The following MSR1 variants were observed in gnomAD, a reference collection of about 807,000 sequenced individuals.
The protein encoded by MSR1 is macrophage scavenger receptor types I and II.
A neutral mutation model predicts 47.2 loss-of-function variants in MSR1; 53 were observed. The observed-to-expected ratio is 1.12, with a 90% confidence interval of 0.90 to 1.41. The LOEUF (loss-of-function observed/expected upper bound fraction) is 1.41, where lower values mean the gene tolerates loss of function less well. Ranked by LOEUF, MSR1 falls within the 40% of genes most tolerant of loss-of-function variation. The probability of loss-of-function intolerance (pLI) is 0.00; values close to 1 mark genes in which losing one functional copy is unlikely to be tolerated. For synonymous variants in MSR1, 239 were observed against 185.6 expected (o/e 1.29, Z -2.34); for missense variants, 786 against 546.9 (o/e 1.44, Z -4.36).
At chr8:16,147,463 G>A (rs1800732356) in intron 7 of MSR1, among the ~76,000 whole-genome samples, 1 of 152,118 alleles carries the variant, frequency 6.6e-6, no homozygotes, top group African/African-American at 2.4e-5. Context: ...TTCAGAATCT[G>A]ATAATGTTTT....
chr8:16,123,835 C>T (rs1329480630), intron 8 of MSR1, among the ~76,000 whole-genome samples: 1 of 152,148 alleles, frequency 6.6e-6, no homozygotes, highest in African/African-American at 2.4e-5. Flanking sequence ...AGTTAGGTAT[C>T]TGCAATAGCT....
intron 8 of MSR1, among the ~76,000 whole-genome samples, chr8:16,126,974 T>A (rs1800143397): frequency 6.6e-6 from 1 of 152,174 alleles, no homozygotes; most frequent in African/African-American, 2.4e-5. Context: ...CTTTTCAGAG[T>A]GTCTGGTACA....
At chr8:16,184,806 AT>A (rs200325829) in intron 1 of MSR1, among the ~76,000 whole-genome samples, 40 of 150,860 alleles carry the variant, frequency 2.7e-4, no homozygotes, top group Admixed American at 1.3e-3. Context: ...CCTTTGATTT[AT>A]TTTTTTTTAG....
intron 5 of MSR1, among the ~76,000 whole-genome samples, chr8:16,162,075 A>C (rs886727746): frequency 6.6e-6 from 1 of 152,042 alleles, no homozygotes; most frequent in Non-Finnish European, 1.5e-5. Context: ...GATAGACATA[A>C]ATCCACTAAT....
intron 1 of MSR1, among the ~76,000 whole-genome samples, chr8:16,189,154 A>C (rs1391100820): frequency 7.1e-6 from 1 of 140,352 alleles, no homozygotes; most frequent in Non-Finnish European, 1.5e-5. Flanking sequence ...TTTCATATAT[A>C]CGTAAAACCT....
At chr8:16,190,636 C>A (rs1278240314) in intron 1 of MSR1, among the ~76,000 whole-genome samples, 2 of 151,968 alleles carry the variant, frequency 1.3e-5, no homozygotes, top group Admixed American at 6.6e-5. Flanking sequence ...ACATATTTAC[C>A]ATCTGTCTTT....
At chr8:16,163,996 A>G in intron 5 of MSR1, 69 bp downstream of exon 5, 1 of 1,220,614 alleles carries the variant, frequency 8.2e-7, no homozygotes, top group Non-Finnish European at 1.1e-6. Context: ...TTCAAATATC[A>G]AATCTCTGCA....
chr8:16,150,171 T>TATATATAA, intron 7 of MSR1, 60 bp downstream of exon 7: 1 of 294,968 alleles, frequency 3.4e-6, no homozygotes, highest in East Asian at 8.0e-5. Context: ...TATATATATA[T>TATATATAA]AAAATTATCT....
At chr8:16,156,346 G>T (rs1436983499) in intron 5 of MSR1, among the ~76,000 whole-genome samples, 2 of 151,870 alleles carry the variant, frequency 1.3e-5, no homozygotes, top group Non-Finnish European at 2.9e-5. Flanking sequence ...AGAAATCTAA[G>T]AGGGGGAACC....
At chr8:16,151,348 T>C (rs767989012) in intron 6 of MSR1, among the ~76,000 whole-genome samples, 1 of 152,108 alleles carries the variant, frequency 6.6e-6, no homozygotes, top group African/African-American at 2.4e-5. Flanking sequence ...AATGAACAAA[T>C]AACTCTGTAA....
At chr8:16,179,182 T>C (rs974533957) in intron 1 of MSR1, among the ~76,000 whole-genome samples, 8 of 152,186 alleles carry the variant, frequency 5.3e-5, no homozygotes, top group Non-Finnish European at 8.8e-5. Flanking sequence ...TAAAATGATT[T>C]AATCAGTAAT....
chr8:16,191,007 C>A (rs1448590822), intron 1 of MSR1, among the ~76,000 whole-genome samples: 2 of 152,202 alleles, frequency 1.3e-5, no homozygotes, highest in Non-Finnish European at 2.9e-5. Flanking sequence ...AGGCGTGAGC[C>A]ACCGTGCCCG....
chr8:16,146,621 A>G (rs1455936214), intron 7 of MSR1, among the ~76,000 whole-genome samples: 1 of 151,978 alleles, frequency 6.6e-6, no homozygotes, highest in Non-Finnish European at 1.5e-5. Flanking sequence ...CCACCTTTGA[A>G]ACTCTGTGTT....
At chr8:16,191,019 C>G (rs1802186347) in intron 1 of MSR1, among the ~76,000 whole-genome samples, 1 of 152,136 alleles carries the variant, frequency 6.6e-6, no homozygotes, top group Non-Finnish European at 1.5e-5. Flanking sequence ...CCGTGCCCGG[C>G]CCATCATATT....
Position 16,168,786 on chromosome 8 carries a change from C to T in MSR1, c.302G>A (p.Gly101Glu), listed in dbSNP as rs774345152. Reference protein sequence around the residue: ...NDITQSLTGKGNDSEEEMRFQ... With the variant: ...NDITQSLTGKENDSEEEMRFQ... ...TCTCATTTCCTCTTCGCTGTCATTT[C>T]CTTTTCCCGTGAGACTTTGAGTTAT... The change falls in exon 4 of 10, where the codon GGA (glycine) becomes GAA (glutamate). Residue 101 changes from glycine (G) to glutamate (E), a missense_variant. Gly to Glu is a moderately conservative substitution (Grantham distance 98). Transcript: ENST00000262101. 1.2e-6 allele frequency: 2 copies of T among 1,614,080 alleles called. No homozygotes were observed. The highest frequency in any genetic ancestry group is 1.7e-6 in the Non-Finnish European group (2 of 1,179,982).
intron 8 of MSR1, among the ~76,000 whole-genome samples, chr8:16,126,287 C>G (rs564382709): frequency 9.9e-5 from 15 of 152,230 alleles, no homozygotes; most frequent in Non-Finnish European, 1.9e-4. Flanking sequence ...ATTACCACTA[C>G]TCAGTGGAAA....
chr8:16,121,790 T>C (rs12114599), intron 8 of MSR1, among the ~76,000 whole-genome samples: 8,686 of 151,740 alleles, frequency 0.057, 356 homozygotes, highest in South Asian at 0.18. Flanking sequence ...AATGTGAAAA[T>C]GGAGTTTTAA....
chr8:16,168,809 T>A lies in MSR1; in HGVS notation c.279A>T (p.Ile93=). ...CSVSSTNAND[I]TQSLTGKGND... ...TTCCTTTTCCCGTGAGACTTTGAGT[T>A]ATATCATTTGCATTAGTTGAACTAA... is the stretch of plus-strand genomic sequence containing the variant. Residue 93 remains isoleucine, a synonymous_variant, in exon 4 of 10, where the codon ATA becomes ATT. Transcript: ENST00000262101. 6.2e-7 allele frequency: 1 copy of A among 1,613,936 alleles called. No homozygotes were observed. Among genetic ancestry groups the A allele is most frequent in the Non-Finnish European group, 8.5e-7 (1 of 1,180,002 alleles).
In MSR1 at chr8:16,180,096, C is replaced by T. The variant is rs1801782984; in HGVS notation, c.-4-2104G>A. Among the ~76,000 whole-genome samples, 3 of 136,452 alleles carry T rather than the reference C, an allele frequency of 2.2e-5. No homozygotes were observed. In the Admixed American group the frequency reaches 2.5e-4, roughly 11 times the overall value. 89.5% of individuals were successfully genotyped at this position (136,452 alleles called of 152,430 possible). A position where few individuals can be genotyped will look rare whatever the true frequency, so the allele number is the denominator to read the frequency against. ...GCCATTGTACCCGGTCTCTCTCTTT[C>T]TCTCTGTCTGTCTCTCTCTCTCTCC... On this transcript the variant is annotated intron_variant, in intron 1 of 9. Transcript: ENST00000262101.
Sources: allele counts gnomAD v4.1 joint callset (sites outside exome capture counted in the v4.1 genomes callset), GRCh38; gene constraint gnomAD v4.1.1; transcripts MANE v1.5; gene names NCBI Gene and HGNC (gene_info 2026-07-23, HGNC 2026-07-21).